Variants in RARG observed in about 807,000 individuals in gnomAD.
RARG encodes the protein retinoic acid receptor gamma.
In RARG, 17 loss-of-function variants were observed where a neutral mutation model predicts 43.7. The observed-to-expected ratio is 0.39, with a 90% CI of 0.27 to 0.58. The LOEUF is 0.58. RARG is among the 20% of genes least tolerant of loss of function. RARG has a pLI of 0.57. For missense variants in RARG, 346 were observed against 598.7 expected, an observed-to-expected ratio of 0.58 and a Z score of 4.40; for synonymous variants, 238 against 236.4, an observed-to-expected ratio of 1.01 and a Z score of -0.06.
chr12:53,219,682 C>T (rs1173940271), intron 3 of RARG, among the ~76,000 whole-genome samples: 1 of 152,230 alleles, frequency 6.6e-6, no homozygotes, highest in Non-Finnish European at 1.5e-5. Flanking sequence ...TACCCACACA[C>T]CTCGGTCTCT....
rs1377627751 is a variant in RARG at position 53,210,676 on chromosome 12, C to T, written c.*1000G>A. 1 of 152,562 alleles carries T rather than the reference C, an allele frequency of 6.6e-6. No homozygotes were observed. Among genetic ancestry groups the T allele is most frequent in the African/African-American group, 2.4e-5 (1 of 41,404 alleles). The allele number at this position is 152,562 out of a possible 1,614,324, so 9.5% of individuals were successfully genotyped here. Reference sequence around the variant, plus strand: ...GGGGAGGGGACAGCACCCTGACCCCCCAAGAGAACACAGGGAGCCAATGGG... The same window carrying T: ...GGGGAGGGGACAGCACCCTGACCCCTCAAGAGAACACAGGGAGCCAATGGG... On this transcript the variant is annotated 3_prime_UTR_variant, in exon 10 of 10. Coordinates refer to ENST00000425354, the MANE Select transcript of RARG (RefSeq NM_000966.6).
Position 53,211,672 on chromosome 12 carries a change from C to A in RARG, c.*4G>T. On this transcript the variant is annotated 3_prime_UTR_variant, in exon 10 of 10. Coordinates refer to ENST00000425354, the MANE Select transcript of RARG (RefSeq NM_000966.6). The surrounding 1 kb of genome is among the most constrained non-coding windows in gnomAD (Gnocchi z 4.6). ...CCCCACAGCGGGGAGGTCAGGGGCC[C>A]TGGTCAGGCTGGGGACTTCAGGCCC... 6.7e-7 allele frequency: 1 copy of A among 1,482,448 alleles called. No homozygotes were observed. The highest frequency in any genetic ancestry group is 2.6e-5 in the Admixed American group (1 of 38,238). The allele number at this position is 1,482,448 out of a possible 1,614,324, so 91.8% of individuals were successfully genotyped here. A position where few individuals can be genotyped will look rare whatever the true frequency, so the allele number is the denominator to read the frequency against.
chr12:53,219,835 C>T, intron 3 of RARG: 2 of 1,015,042 alleles, frequency 2.0e-6, no homozygotes, highest in Non-Finnish European at 1.4e-6. Context: ...CAGTACCTTA[C>T]ATAGAAAGGG....
Position 53,214,258 on chromosome 12 carries a change from G to T in RARG, c.637-23C>A, listed in dbSNP as rs767989593. 3 of 1,603,020 alleles carry T rather than the reference G, an allele frequency of 1.9e-6. No homozygotes were observed. In the Admixed American group the frequency reaches 5.0e-5, roughly 27 times the overall value. On this transcript the variant is annotated intron_variant, in intron 6 of 9. Coordinates refer to ENST00000425354, the MANE Select transcript of RARG (RefSeq NM_000966.6). ...GTTCTGCAGAGGGGAGGGGTAGAAG[G>T]TTGGAAGGCAAGCTAAGGCCCACCT...
At chr12:53,216,864 G>T (rs1463850774) in intron 3 of RARG, among the ~76,000 whole-genome samples, 1 of 151,604 alleles carries the variant, frequency 6.6e-6, no homozygotes, top group Non-Finnish European at 1.5e-5. Context: ...GCGCGCGCGT[G>T]TGGTTGGTCT....
chr12:53,229,269 G>A (rs1302870003), intron 2 of RARG, among the ~76,000 whole-genome samples: 1 of 152,158 alleles, frequency 6.6e-6, no homozygotes, highest in Admixed American at 6.5e-5. Context: ...TAGGGGATGG[G>A]TATATCTGCC....
At chr12:53,222,261 GA>G (rs1942992388) in intron 3 of RARG, among the ~76,000 whole-genome samples, 1 of 144,978 alleles carries the variant, frequency 6.9e-6, no homozygotes, top group African/African-American at 2.7e-5. Context: ...AAAGAAAGAA[GA>G]AAGAAAAAGG....
intron 3 of RARG, among the ~76,000 whole-genome samples, chr12:53,224,994 C>T (rs1943072318): frequency 1.3e-5 from 2 of 152,116 alleles, no homozygotes; most frequent in South Asian, 4.1e-4. Context: ...CACTACCATT[C>T]TCTCTCCTCT....
rs532652565 is a variant in RARG at position 53,219,996 on chromosome 12, G to C, written c.185-4202C>G. On this transcript the variant is annotated intron_variant, in intron 3 of 9. Transcript: ENST00000425354. ...GCCAGGCAAAAGATTCAAGTCCGGC[G>C]AAACAGGAGCCGCCGGTGGCTCTGC... 122 of 1,523,012 alleles carry C rather than the reference G, an allele frequency of 8.0e-5. No individual in the cohort carries two copies. The South Asian group carries it at 1.4e-3, about 17-fold the overall frequency. The allele number at this position is 1,523,012 out of a possible 1,614,324, so 94.3% of individuals were successfully genotyped here.
chr12:53,226,946 G>A (rs1002218552), intron 3 of RARG, among the ~76,000 whole-genome samples: 4 of 152,032 alleles, frequency 2.6e-5, no homozygotes, highest in Non-Finnish European at 4.4e-5. Context: ...CCAGGTGACT[G>A]GCCTCCCAGA....
intron 6 of RARG, 55 bp downstream of exon 6, chr12:53,214,391 C>T: frequency 6.3e-7 from 1 of 1,587,442 alleles, no homozygotes; most frequent in Admixed American, 1.7e-5. Context: ...CAACCCAGCC[C>T]CATTCCCCAA....
intron 3 of RARG, among the ~76,000 whole-genome samples, chr12:53,221,691 G>C (rs1942967363): frequency 6.6e-6 from 1 of 151,820 alleles, no homozygotes; most frequent in African/African-American, 2.4e-5. Flanking sequence ...GGGGACCCTG[G>C]CCCCGGACAG....
At position 53,213,212 on chromosome 12, in the gene RARG, C is replaced by T; in HGVS notation, c.1050G>A (p.Val350=). The T allele has an allele frequency of 1.2e-6, 2 of 1,604,018 alleles. No individual in the cohort carries two copies. The highest frequency in any genetic ancestry group is 1.7e-6 in the Non-Finnish European group (2 of 1,170,866). ...DRMDLEEPEK[V]DKLQEPLLEA... is the part of the protein sequence containing the mutation. The stretch of plus-strand genomic sequence containing the variant: ...CCAGCAGTGGCTCCTGCAGCTTGTC[C>T]ACTTTTTCGGGCTCCTCCAGGTCCA... Residue 350 remains valine (V), a synonymous_variant, in exon 9 of 10, where the codon GTG becomes GTA. Transcript: ENST00000425354. This position sits in a 1 kb window ranked among gnomAD's most constrained non-coding sequence, Gnocchi z 4.7.
intron 9 of RARG, among the ~76,000 whole-genome samples, chr12:53,212,357 C>G (rs1942614791): frequency 6.6e-6 from 1 of 152,204 alleles, no homozygotes; most frequent in South Asian, 2.1e-4. Flanking sequence ...ACTACTGCAA[C>G]TGCAGAATGG....
At chr12:53,223,514 G>GCCCCCCCC (rs1565728650) in intron 3 of RARG, among the ~76,000 whole-genome samples, 1 of 142,510 alleles carries the variant, frequency 7.0e-6, no homozygotes, top group Non-Finnish European at 1.5e-5. Context: ...GGCTTGCCCG[G>GCCCCCCCC]CTCCCCCCGC....
chr12:53,211,516 C>G lies in RARG; in HGVS notation c.*160G>C. The G allele has an allele frequency of 1.5e-6, 1 of 645,380 alleles. No individual in the cohort carries two copies. The highest frequency in any genetic ancestry group is 2.4e-6 in the Non-Finnish European group (1 of 421,798). The allele number at this position is 645,380 out of a possible 1,614,324, so 40.0% of individuals were successfully genotyped here. A position where few individuals can be genotyped will look rare whatever the true frequency, so the allele number is the denominator to read the frequency against. ...CCGGTTAGATCAGGAAGGGGATGAA[C>G]ACAGAGGCACCCCTAGAAACTTTGG... On this transcript the variant is annotated 3_prime_UTR_variant, in exon 10 of 10. Transcript: ENST00000425354. This position sits in a 1 kb window ranked among gnomAD's most constrained non-coding sequence, Gnocchi z 4.6.
intron 3 of RARG, among the ~76,000 whole-genome samples, chr12:53,218,030 C>G (rs1218120982): frequency 6.6e-6 from 1 of 152,094 alleles, no homozygotes; most frequent in Non-Finnish European, 1.5e-5. Flanking sequence ...GACACACAGC[C>G]AGAATAGAGA....
chr12:53,222,522 G>A (rs1943002137), intron 3 of RARG, among the ~76,000 whole-genome samples: 2 of 152,150 alleles, frequency 1.3e-5, no homozygotes, highest in Admixed American at 1.3e-4. Flanking sequence ...ACCAGAAGTG[G>A]CCAGGCCACA....
At chr12:53,218,195 G>GCA (rs147597783) in intron 3 of RARG, among the ~76,000 whole-genome samples, 59 of 151,108 alleles carry the variant, frequency 3.9e-4, no homozygotes, top group Non-Finnish European at 5.3e-4. Flanking sequence ...CTCCAAACAG[G>GCA]CACACACACA....
Sources: allele counts gnomAD v4.1 joint callset (sites outside exome capture counted in the v4.1 genomes callset), GRCh38; gene constraint gnomAD v4.1.1; non-coding constraint Gnocchi (gnomAD v3.1); transcripts MANE v1.5; gene names NCBI Gene and HGNC (gene_info 2026-07-23, HGNC 2026-07-21).